ACER3: variants seen among roughly 807,000 people sequenced by gnomAD.
The protein encoded by ACER3 is alkCDase 3.
In ACER3, 16 loss-of-function variants were observed where a neutral mutation model predicts 48.9. That is an observed-to-expected ratio of 0.33 (90% CI 0.22 to 0.50). The LOEUF is 0.50. Ranked by LOEUF, ACER3 falls within the 20% of genes least tolerant of loss-of-function variation. The pLI, the probability that ACER3 is intolerant of heterozygous loss-of-function variation, is 0.98. For missense variants in ACER3, 227 were observed against 326.0 expected, an observed-to-expected ratio of 0.70 and a Z score of 2.34; for synonymous variants, 109 against 107.8, an observed-to-expected ratio of 1.01 and a Z score of -0.07.
At chr11:76,914,316 A>G (rs1393278646) in intron 1 of ACER3, among the ~76,000 whole-genome samples, 2 of 152,200 alleles carry the variant, frequency 1.3e-5, no homozygotes, top group Non-Finnish European at 2.9e-5. Flanking sequence ...AAGGGCTAAT[A>G]TCCAGAATCT....
Position 76,964,879 on chromosome 11 carries a change from A to C in ACER3, c.267+5848A>C, listed in dbSNP as rs1948097124. On this transcript the variant is annotated intron_variant, in intron 3 of 10. Coordinates refer to ENST00000532485, the MANE Select transcript of ACER3 (RefSeq NM_018367.7). Reference sequence around the variant, plus strand: ...AGATGGGAAAAAACAGAGCAGAAAAACTGGAAACTAAAAATCAGAGCGCCT... The same window carrying C: ...AGATGGGAAAAAACAGAGCAGAAAACCTGGAAACTAAAAATCAGAGCGCCT... Among the ~76,000 whole-genome samples, 2 of 151,274 alleles carry C rather than the reference A, an allele frequency of 1.3e-5. 1 individual carries two copies. The highest frequency in any genetic ancestry group is 4.9e-5 in the African/African-American group (2 of 40,592).
At chr11:76,937,894 GA>G (rs1439674033) in intron 2 of ACER3, among the ~76,000 whole-genome samples, 2 of 152,128 alleles carry the variant, frequency 1.3e-5, no homozygotes, top group African/African-American at 4.8e-5. Flanking sequence ...GAAAACAAAA[GA>G]AAACCTCGCT....
intron 1 of ACER3, among the ~76,000 whole-genome samples, chr11:76,924,488 G>A (rs1447380424): frequency 2.6e-5 from 4 of 151,960 alleles, no homozygotes; most frequent in African/African-American, 9.6e-5. Flanking sequence ...ACAAGTGTTA[G>A]CCACTGCCCC....
intron 2 of ACER3, among the ~76,000 whole-genome samples, chr11:76,952,131 T>TACAC (rs1947685361): frequency 3.4e-5 from 2 of 58,074 alleles, no homozygotes; most frequent in African/African-American, 7.0e-5. Context: ...AAATATTATA[T>TACAC]ATATATATAC....
rs1260444327 is a variant in ACER3, at chr11:76,950,384, TATATATATATATATATATATATATATA to T, written c.215-8592_215-8566del. ...ATATATATATATATATATATATATA[TATATATATATATATATATATATATATA>T]ATTTACACATGTAAGTGTGTGTATG... is the stretch of plus-strand genomic sequence containing the variant. On this transcript the variant is annotated intron_variant, in intron 2 of 10. Transcript: ENST00000532485. Among the ~76,000 whole-genome samples the T allele has an allele frequency of 1.9e-3, 61 of 31,650 alleles. 4 individuals are homozygous for T. The highest frequency in any genetic ancestry group is 3.1e-3 in the Non-Finnish European group (43 of 13,658). The allele number at this position is 31,650 out of a possible 152,430, so 20.8% of individuals were successfully genotyped here.
intron 8 of ACER3, chr11:77,015,321 A>C (rs150675275): frequency 1.6e-4 from 71 of 452,658 alleles, no homozygotes; most frequent in African/African-American, 1.4e-3. Context: ...ACTATTTCAT[A>C]ACCTCTGTAG....
Position 76,916,956 on chromosome 11 carries a change from C to T in ACER3, c.104-9601C>T, listed in dbSNP as rs1478606375. On this transcript the variant is annotated intron_variant, in intron 1 of 10. Coordinates refer to ENST00000532485, the MANE Select transcript of ACER3 (RefSeq NM_018367.7). ...GTCATTCCCCTCCCCTGTAACCTCC[C>T]TCTTGTGAGGCCAGAGTTTACCTAA... 3.3e-5 allele frequency among the ~76,000 whole-genome samples: 5 copies of T among 152,146 alleles called. No individual in the cohort carries two copies. The East Asian group carries it at 9.6e-4, about 29-fold the overall frequency.
intron 1 of ACER3, among the ~76,000 whole-genome samples, chr11:76,904,444 C>T (rs938541039): frequency 2.6e-5 from 4 of 152,072 alleles, no homozygotes; most frequent in African/African-American, 9.7e-5. Context: ...AGATGTCCCA[C>T]CCTTCTGGAC....
At chr11:76,966,866 C>A (rs11237039) in intron 3 of ACER3, among the ~76,000 whole-genome samples, 104,683 of 149,592 alleles carry the variant, frequency 0.7, 37,008 homozygotes, top group Non-Finnish European at 0.74. Flanking sequence ...GAAAGATCTA[C>A]AATTGACACC....
chr11:76,907,134 C>T (rs1281349585), intron 1 of ACER3, among the ~76,000 whole-genome samples: 1 of 152,040 alleles, frequency 6.6e-6, no homozygotes, highest in Admixed American at 6.6e-5. Context: ...AGTTTAATAC[C>T]CCAATTATTT....
intron 1 of ACER3, among the ~76,000 whole-genome samples, chr11:76,924,612 G>C (rs1412498396): frequency 2.6e-5 from 4 of 151,920 alleles, no homozygotes; most frequent in African/African-American, 9.7e-5. Flanking sequence ...TTGTCTTCTA[G>C]TTTTGGTGGT....
In ACER3 at chr11:76,928,048, C is replaced by A. The variant is rs985846702; in HGVS notation, c.214+1381C>A. On this transcript the variant is annotated intron_variant, in intron 2 of 10. Coordinates refer to ENST00000532485, the MANE Select transcript of ACER3 (RefSeq NM_018367.7). ...AAGGAATCGCCACACTGTCTTCCAC[C>A]ATGGTTGAACTAGTTTACAGTCCCA... Among the ~76,000 whole-genome samples the A allele has an allele frequency of 1.1e-3, 172 of 152,134 alleles. 1 individual carries two copies. The highest frequency in any genetic ancestry group is 3.6e-3 in the African/African-American group (148 of 41,510).
Position 76,909,690 on chromosome 11 carries a change from A to G in ACER3, c.104-16867A>G, listed in dbSNP as rs551551461. Among the ~76,000 whole-genome samples, 8 of 152,338 alleles carry G rather than the reference A, an allele frequency of 5.3e-5. No individual in the cohort carries two copies. The South Asian group carries it at 1.7e-3, about 32-fold the overall frequency. On this transcript the variant is annotated intron_variant, in intron 1 of 10. Coordinates refer to ENST00000532485, the MANE Select transcript of ACER3 (RefSeq NM_018367.7). Reference sequence around the variant, plus strand: ...GTTGGTGGGAGTGTAAATTAGTTCAACCATTGTGGAAGACAGTGTGGCGAT... The same window carrying G: ...GTTGGTGGGAGTGTAAATTAGTTCAGCCATTGTGGAAGACAGTGTGGCGAT...
intron 1 of ACER3, among the ~76,000 whole-genome samples, chr11:76,898,213 C>G (rs1945984099): frequency 6.6e-6 from 1 of 152,090 alleles, no homozygotes; most frequent in African/African-American, 2.4e-5. Context: ...TTAAATAACT[C>G]TAAGTATTAT....
intron 5 of ACER3, among the ~76,000 whole-genome samples, chr11:76,989,773 T>C (rs1314073154): frequency 6.6e-6 from 1 of 152,194 alleles, no homozygotes; most frequent in African/African-American, 2.4e-5. Context: ...ATGAGAGTCA[T>C]GGCAGGGTCA....
chr11:76,986,788 G>C (rs1948694061), intron 5 of ACER3, among the ~76,000 whole-genome samples: 1 of 152,188 alleles, frequency 6.6e-6, no homozygotes, highest in African/African-American at 2.4e-5. Context: ...GGAGCAGTTA[G>C]GCGCAGTGGC....
chr11:76,894,042 G>A (rs1945871717), intron 1 of ACER3, among the ~76,000 whole-genome samples: 1 of 152,114 alleles, frequency 6.6e-6, no homozygotes, highest in Non-Finnish European at 1.5e-5. Flanking sequence ...TATAATTCCA[G>A]CACTTTGGGA....
intron 2 of ACER3, among the ~76,000 whole-genome samples, chr11:76,942,854 C>G (rs1947372612): frequency 6.6e-6 from 1 of 151,868 alleles, no homozygotes; most frequent in Non-Finnish European, 1.5e-5. Flanking sequence ...ATCACTGATT[C>G]AATCTCACTA....
Position 76,860,932 on chromosome 11 carries a change from C to G in ACER3, c.-45C>G, listed in dbSNP as rs369558733. On this transcript the variant is annotated 5_prime_UTR_variant, in exon 1 of 11. Transcript: ENST00000532485. The stretch of plus-strand genomic sequence containing the variant: ...GAGCCGGCCTGGTCGCCAGCCTAAC[C>G]CGGCACAGTGAGCGGAGCGCCTGGG... 4.9e-6 allele frequency: 7 copies of G among 1,435,582 alleles called. No homozygotes were observed. The East Asian group carries it at 1.6e-4, about 33-fold the overall frequency. 88.9% of individuals were successfully genotyped at this position (1,435,582 alleles called of 1,614,324 possible). A position where few individuals can be genotyped will look rare whatever the true frequency, so the allele number is the denominator to read the frequency against.
Sources: gnomAD v4.1 joint callset for allele counts (sites outside exome capture counted in the v4.1 genomes callset) on GRCh38, gnomAD v4.1.1 for gene constraint, MANE v1.5 for transcripts, NCBI Gene and HGNC (gene_info 2026-07-23, HGNC 2026-07-21) for gene names.